The following TRPC7 variants were observed in gnomAD, a reference collection of about 807,000 sequenced individuals.
The protein encoded by TRPC7 is short transient receptor potential channel 7.
A neutral mutation model predicts 90.1 loss-of-function variants in TRPC7; 42 were observed. The observed-to-expected ratio is 0.47, with a 90% confidence interval of 0.36 to 0.60. The LOEUF (loss-of-function observed/expected upper bound fraction) is 0.60. TRPC7 is among the 20% of genes least tolerant of loss of function. TRPC7 has a pLI of 0.00. For missense variants in TRPC7, 955 were observed against 1,112.3 expected, an observed-to-expected ratio of 0.86 and a Z score of 2.01; for synonymous variants, 451 against 436.3, an observed-to-expected ratio of 1.03 and a Z score of -0.42.
chr5:136,290,937 G>C (rs534716588), intron 3 of TRPC7, among the ~76,000 whole-genome samples: 1 of 152,350 alleles, frequency 6.6e-6, no homozygotes, highest in East Asian at 1.9e-4. Context: ...ACTAACAGCT[G>C]ATCTCTCAGC....
chr5:136,304,485 C>A (rs1250917169), intron 3 of TRPC7, among the ~76,000 whole-genome samples: 3 of 152,096 alleles, frequency 2.0e-5, no homozygotes, highest in East Asian at 1.9e-4. Context: ...GCCTGTCCAC[C>A]CCGTGGTGCC....
chr5:136,282,902 G>A (rs965025703), intron 3 of TRPC7, among the ~76,000 whole-genome samples: 1 of 152,184 alleles, frequency 6.6e-6, no homozygotes, highest in Non-Finnish European at 1.5e-5. Context: ...CATGGTCCCT[G>A]CCCTTGGGAA....
intron 5 of TRPC7, among the ~76,000 whole-genome samples, chr5:136,253,739 C>A (rs961268963): frequency 1.3e-5 from 2 of 152,110 alleles, no homozygotes; most frequent in African/African-American, 4.8e-5. Flanking sequence ...TGATATTAGG[C>A]CAATTAATAG....
At chr5:136,293,668 A>T (rs1758048931) in intron 3 of TRPC7, among the ~76,000 whole-genome samples, 1 of 152,244 alleles carries the variant, frequency 6.6e-6, no homozygotes, top group Non-Finnish European at 1.5e-5. Flanking sequence ...AGAACATTCC[A>T]TGCTCATGGG....
At chr5:136,264,615 CAG>C (rs1254764731) in intron 5 of TRPC7, among the ~76,000 whole-genome samples, 4 of 151,310 alleles carry the variant, frequency 2.6e-5, no homozygotes, top group African/African-American at 9.7e-5. Flanking sequence ...CTTTTTTAGA[CAG>C]AGTCTTGCTC....
chr5:136,294,197 A>T (rs1758070035), intron 3 of TRPC7, among the ~76,000 whole-genome samples: 1 of 152,208 alleles, frequency 6.6e-6, no homozygotes, highest in Non-Finnish European at 1.5e-5. Context: ...CCTAGAAGAA[A>T]ACCAAGGCAA....
At chr5:136,300,789 A>G (rs1404250549) in intron 3 of TRPC7, among the ~76,000 whole-genome samples, 1 of 152,228 alleles carries the variant, frequency 6.6e-6, no homozygotes, top group African/African-American at 2.4e-5. Flanking sequence ...TTAGAGAAGC[A>G]TTAAAGCCTC....
At chr5:136,330,042 A>G (rs970178768) in intron 2 of TRPC7, among the ~76,000 whole-genome samples, 1 of 152,090 alleles carries the variant, frequency 6.6e-6, no homozygotes, top group African/African-American at 2.4e-5. Flanking sequence ...AGTGCTTCCT[A>G]TAGGCCGTGA....
chr5:136,357,679 G>A (rs1760436463), intron 1 of TRPC7, among the ~76,000 whole-genome samples: 1 of 152,122 alleles, frequency 6.6e-6, no homozygotes, highest in Non-Finnish European at 1.5e-5. Context: ...GATGGAGGCT[G>A]GGGCGTAGGG....
intron 2 of TRPC7, among the ~76,000 whole-genome samples, chr5:136,321,312 A>G (rs1384693867): frequency 1.3e-5 from 2 of 152,188 alleles, no homozygotes; most frequent in African/African-American, 4.8e-5. Flanking sequence ...TGAATCCCTG[A>G]CAGATTCTAT....
intron 3 of TRPC7, among the ~76,000 whole-genome samples, chr5:136,286,784 G>C (rs1187544223): frequency 6.6e-6 from 1 of 152,098 alleles, no homozygotes; most frequent in Admixed American, 6.6e-5. Context: ...TTCTCCATGG[G>C]ACTGTGGGGC....
intron 7 of TRPC7, among the ~76,000 whole-genome samples, chr5:136,246,567 G>A (rs1756347182): frequency 6.6e-6 from 1 of 152,204 alleles, no homozygotes; most frequent in Non-Finnish European, 1.5e-5. Flanking sequence ...TGGCCAGGGA[G>A]CTGCCTGGAT....
At chr5:136,250,113 A>G (rs1213085439) in intron 6 of TRPC7, among the ~76,000 whole-genome samples, 2 of 152,228 alleles carry the variant, frequency 1.3e-5, no homozygotes, top group Non-Finnish European at 2.9e-5. Flanking sequence ...CTAACAAGAC[A>G]GAGGATAATA....
intron 5 of TRPC7, among the ~76,000 whole-genome samples, chr5:136,265,405 T>G (rs2149811831): frequency 6.6e-6 from 1 of 152,292 alleles, no homozygotes; most frequent in South Asian, 2.1e-4. Flanking sequence ...ATTGATAAGG[T>G]TTATAAACAG....
rs556522210 is a variant in TRPC7 at position 136,335,696 on chromosome 5, G to A, written c.781-19917C>T. On this transcript the variant is annotated intron_variant, in intron 2 of 11. Transcript: ENST00000513104. ...AGACGGGCAGATCACGAGGTCAGGA[G>A]ATCGAGACCATCCTGGATAACACAG... Among the ~76,000 whole-genome samples, 6 of 151,946 alleles carry A rather than the reference G, an allele frequency of 3.9e-5. No homozygotes were observed. In the South Asian group the frequency reaches 8.3e-4, roughly 21 times the overall value.
chr5:136,342,936 A>G (rs1379299927), intron 2 of TRPC7, among the ~76,000 whole-genome samples: 1 of 152,218 alleles, frequency 6.6e-6, no homozygotes, highest in African/African-American at 2.4e-5. Flanking sequence ...TGGAATAGAA[A>G]ACAAAGAAAC....
chr5:136,292,817 C>T (rs1175143841), intron 3 of TRPC7, among the ~76,000 whole-genome samples: 2 of 151,764 alleles, frequency 1.3e-5, no homozygotes, highest in Admixed American at 6.6e-5. Context: ...ATCCTGATAC[C>T]AAAGCATGGC....
chr5:136,216,852 G>A (rs1215966355), intron 10 of TRPC7, among the ~76,000 whole-genome samples: 1 of 152,218 alleles, frequency 6.6e-6, no homozygotes, highest in African/African-American at 2.4e-5. Flanking sequence ...CCGGGCCTCT[G>A]GGGTTTTACA....
intron 4 of TRPC7, among the ~76,000 whole-genome samples, chr5:136,272,709 A>G (rs1201056014): frequency 1.3e-5 from 2 of 152,132 alleles, no homozygotes; most frequent in Non-Finnish European, 1.5e-5. Context: ...GGGGCACCAA[A>G]TGTCAATCAC....
Sources: gnomAD v4.1 joint callset for allele counts (sites outside exome capture counted in the v4.1 genomes callset) on GRCh38, gnomAD v4.1.1 for gene constraint, MANE v1.5 for transcripts, NCBI Gene and HGNC (gene_info 2026-07-23, HGNC 2026-07-21) for gene names.